Variants in NPC1L1 observed in about 807,000 individuals in gnomAD.
NPC1L1 encodes the protein NPC1-like intracellular cholesterol transporter 1.
A neutral mutation model predicts 117.0 loss-of-function variants in NPC1L1; 98 were observed. The ratio of observed to expected loss-of-function variants is 0.84; its 90% CI spans 0.71 to 0.99. The LOEUF (loss-of-function observed/expected upper bound fraction) is 0.99. Among genes scored for constraint, NPC1L1 ranks in the 50% least tolerant of loss-of-function variants. The pLI, the probability that NPC1L1 is intolerant of heterozygous loss-of-function variation, is 0.00. For missense variants in NPC1L1, 1,540 were observed against 1,710.0 expected, an observed-to-expected ratio of 0.90 and a Z score of 1.75; for synonymous variants, 729 against 727.6, an observed-to-expected ratio of 1.00 and a Z score of -0.03.
rs753268135 is a variant in NPC1L1, at chr7:44,536,623, T to C, written c.1682-195A>G. On this transcript the variant is annotated intron_variant, in intron 3 of 18. Transcript: ENST00000381160. The surrounding 1 kb of genome is among the most constrained non-coding windows in gnomAD (Gnocchi z 4.7). ...CTTCTCTCAGCCAAAGGCGAGACCT[T>C]TGGGCCCAGGCAGAAAAACCACAGT... 3.0e-4 allele frequency among the ~76,000 whole-genome samples: 45 copies of C among 151,998 alleles called. No individual in the cohort carries two copies. The highest frequency in any genetic ancestry group is 1.8e-4 in the Non-Finnish European group (12 of 67,972).
chr7:44,529,824 C>T (rs1468400648), intron 10 of NPC1L1, among the ~76,000 whole-genome samples: 1 of 151,018 alleles, frequency 6.6e-6, no homozygotes, highest in East Asian at 2.0e-4. Context: ...TCACAAGGTC[C>T]AGAGTTCGAG....
At chr7:44,520,091 C>A (rs1801306221) in intron 14 of NPC1L1, among the ~76,000 whole-genome samples, 1 of 152,150 alleles carries the variant, frequency 6.6e-6, no homozygotes, top group Non-Finnish European at 1.5e-5. Flanking sequence ...ACCAGCTTGG[C>A]CAACGTGGTG....
rs746143803 is a variant in NPC1L1 at position 44,539,737 on chromosome 7, G to A, written c.660C>T (p.Phe220=). ...GNGLAPLDIT[F]HLLEPGQAVG... is the part of the protein sequence containing the mutation. ...CGGCCTGGCCAGGCTCCAAGAGGTG[G>A]AAGGTGATGTCCAGTGGGGCCAGAC... is the stretch of plus-strand genomic sequence containing the variant. Residue 220 remains phenylalanine (F), a synonymous_variant, in exon 2 of 19, where the codon TTC becomes TTT. Transcript: ENST00000381160. The surrounding 1 kb of genome is among the most constrained non-coding windows in gnomAD (Gnocchi z 4.4). 6.2e-7 allele frequency: 1 copy of A among 1,614,178 alleles called. No individual in the cohort carries two copies. The highest frequency in any genetic ancestry group is 8.5e-7 in the Non-Finnish European group (1 of 1,180,052).
At position 44,536,968 on chromosome 7, in the gene NPC1L1, A is replaced by G. The variant is rs1259091265; in HGVS notation, c.1581-26T>C. On this transcript the variant is annotated intron_variant, in intron 2 of 18. Coordinates refer to ENST00000381160, the MANE Select transcript of NPC1L1 (RefSeq NM_001101648.2). The surrounding 1 kb of genome is among the most constrained non-coding windows in gnomAD (Gnocchi z 4.7). ...CTAGAGGGAGATGACCGCAAAGGGA[A>G]AGGGCCTTTCCTGGCCCTGCCCAGT... 1 of 1,601,742 alleles carries G rather than the reference A, an allele frequency of 6.2e-7. No homozygotes were observed. Among genetic ancestry groups the G allele is most frequent in the East Asian group, 2.2e-5 (1 of 44,730 alleles).
chr7:44,517,294 C>T lies in NPC1L1; in HGVS notation c.3200G>A (p.Arg1067Gln), dbSNP rs115395682. The change falls in exon 15 of 19, where the codon CGG becomes CAG. Residue 1067 changes from arginine (R) to glutamine (Q), a missense_variant. Physicochemically the swap from Arg to Gln is conservative, Grantham distance 43 (BLOSUM62 1). Transcript: ENST00000381160. ...KNSQDYTEALRAARELAANIT... is the reference protein window; with the variant it reads ...KNSQDYTEALQAARELAANIT... Reference sequence around the variant, plus strand: ...GTTGGCTGCCAGCTCTCGAGCTGCCCGCAGAGCTTCTGTGTAATCCTGTGA... The same window carrying T: ...GTTGGCTGCCAGCTCTCGAGCTGCCTGCAGAGCTTCTGTGTAATCCTGTGA... 1,937 of 1,614,118 alleles carry T rather than the reference C, an allele frequency of 1.2e-3. 22 individuals are homozygous for T. In the African/African-American group the frequency reaches 0.022, roughly 19 times the overall value.
chr7:44,534,902 C>A lies in NPC1L1; in HGVS notation c.1984-273G>T, dbSNP rs1276272679. Among the ~76,000 whole-genome samples the A allele has an allele frequency of 6.6e-6, 1 of 152,176 alleles. No individual in the cohort carries two copies. The highest frequency in any genetic ancestry group is 1.5e-5 in the Non-Finnish European group (1 of 68,038). On this transcript the variant is annotated intron_variant, in intron 5 of 18. Coordinates refer to ENST00000381160, the MANE Select transcript of NPC1L1 (RefSeq NM_001101648.2). This position sits in a 1 kb window ranked among gnomAD's most constrained non-coding sequence, Gnocchi z 5.2. ...CAAGAGATTTTAAGTCTTAGCTTTG[C>A]ATTTGGGCAAGTGAGGGTATGGCAT... is the stretch of plus-strand genomic sequence containing the variant.
chr7:44,535,788 A>G (rs1423128075), intron 5 of NPC1L1, 52 bp downstream of exon 5: 1 of 1,610,854 alleles, frequency 6.2e-7, no homozygotes, highest in Non-Finnish European at 8.5e-7. Flanking sequence ...CCTACTGAAG[A>G]TGCCTGGGGT....
In NPC1L1 at chr7:44,540,191, T is replaced by G; in HGVS notation, c.206A>C (p.Asp69Ala). 1 of 1,613,902 alleles carries G rather than the reference T, an allele frequency of 6.2e-7. No individual in the cohort carries two copies. ...SNTPARKITGDHLILLQKICP... is the reference protein window; with the variant it reads ...SNTPARKITGAHLILLQKICP... ...GATCTTCTGTAATAGGATCAGGTGA[T>G]CACCTGTGATCTTGCGGGCCGGCGT... Residue 69 changes from aspartate (D) to alanine (A), a missense_variant, in exon 2 of 19, where the codon GAT becomes GCT. Physicochemically the swap from Asp to Ala is moderately radical, Grantham distance 126 (BLOSUM62 -2). This residue lies in a region of NPC1L1 where 793 missense variants were observed against 820.4 expected (regional missense o/e 0.97). Transcript: ENST00000381160.
At chr7:44,535,530 A>AAAAG (rs1347533065) in intron 5 of NPC1L1, among the ~76,000 whole-genome samples, 1 of 152,150 alleles carries the variant, frequency 6.6e-6, no homozygotes, top group African/African-American at 2.4e-5. Context: ...ACCCTGTCTC[A>AAAAG]AAAGAAAGAA....
Position 44,534,500 on chromosome 7 carries a change from G to A in NPC1L1, c.2113C>T (p.Leu705=), listed in dbSNP as rs1160261018. Residue 705 remains leucine, a synonymous_variant, in exon 6 of 19, where the codon CTG becomes TTG. Coordinates refer to ENST00000381160, the MANE Select transcript of NPC1L1 (RefSeq NM_001101648.2). The surrounding 1 kb of genome is among the most constrained non-coding windows in gnomAD (Gnocchi z 5.2). ...TTATCAGCCCCCACGGACAGCACCA[G>A]GAAAGGAACCACTTGCAGGATGACC... The part of the protein sequence containing the change: ...SLVILQVVPF[L]VLSVGADNIF... 6.2e-7 allele frequency: 1 copy of A among 1,614,166 alleles called. No homozygotes were observed. Among genetic ancestry groups the A allele is most frequent in the East Asian group, 2.2e-5 (1 of 44,876 alleles).
rs1423019784 is a variant in NPC1L1 at position 44,536,087 on chromosome 7, T to TATA, written c.1855-122_1855-120dup. The TATA allele has an allele frequency of 1.1e-5, 17 of 1,560,456 alleles. No homozygotes were observed. Among genetic ancestry groups the TATA allele is most frequent in the Admixed American group, 5.1e-5 (3 of 59,120 alleles). On this transcript the variant is annotated intron_variant, in intron 4 of 18. Transcript: ENST00000381160. This position sits in a 1 kb window ranked among gnomAD's most constrained non-coding sequence, Gnocchi z 4.7. ...TGTGTCATAGGGCCTGATGGCCCCC[T>TATA]ATAATCGCAGGTGAGGCTATAAGAA...
Position 44,539,103 on chromosome 7 carries a change from A to C in NPC1L1, c.1294T>G (p.Phe432Val), listed in dbSNP as rs1258548160. ...AAGTCCAGGTCCAGGATTCCGCTGAAGTTCTTGGGCCCCAGCAGCAGAGAG... is the reference window on the plus strand; with the variant it reads ...AAGTCCAGGTCCAGGATTCCGCTGACGTTCTTGGGCCCCAGCAGCAGAGAG... Reference protein sequence around the residue: ...YDSLLLGPKNFSGILDLDLLL... With the variant: ...YDSLLLGPKNVSGILDLDLLL... The change falls in exon 2 of 19, where the codon TTC (phenylalanine) becomes GTC (valine). Residue 432 changes from phenylalanine (F) to valine (V), a missense_variant. Phe to Val is a conservative substitution (Grantham distance 50). Coordinates refer to ENST00000381160, the MANE Select transcript of NPC1L1 (RefSeq NM_001101648.2). This position sits in a 1 kb window ranked among gnomAD's most constrained non-coding sequence, Gnocchi z 4.4. The C allele has an allele frequency of 3.1e-6, 5 of 1,613,834 alleles. No individual in the cohort carries two copies. The highest frequency in any genetic ancestry group is 4.2e-6 in the Non-Finnish European group (5 of 1,179,964).
rs763938939 is a variant in NPC1L1, at chr7:44,522,066, T to G, written c.2814A>C (p.Thr938=). The change falls in exon 11 of 19, where the codon ACA becomes ACC. Residue 938 remains threonine (T), a synonymous_variant. Coordinates refer to ENST00000381160, the MANE Select transcript of NPC1L1 (RefSeq NM_001101648.2). ...CAGGAACTCACTGCTCAGGGAACTC[T>G]GTGGCATACTGGATCTTCTGGGTGA... ...FSFTQKIQYA[T]EFPEQSYLAI... The G allele has an allele frequency of 1.2e-6, 2 of 1,613,904 alleles. No individual in the cohort carries two copies. Among genetic ancestry groups the G allele is most frequent in the Middle Eastern group, 1.7e-4 (1 of 6,054 alleles).
intron 12 of NPC1L1, 125 bp downstream of exon 12, chr7:44,521,587 T>C (rs1801354063): frequency 6.8e-7 from 1 of 1,472,910 alleles, no homozygotes; most frequent in Non-Finnish European, 9.5e-7. Flanking sequence ...TCTGCACCCA[T>C]GCCCCCGACA....
rs1200429615 is a variant in NPC1L1, at chr7:44,532,219, T to C, written c.2410-2A>G. 4 of 1,613,314 alleles carry C rather than the reference T, an allele frequency of 2.5e-6. No homozygotes were observed. Among genetic ancestry groups the C allele is most frequent in the Middle Eastern group, 1.7e-4 (1 of 5,984 alleles). On this transcript the variant is annotated splice_acceptor_variant, in intron 8 of 18. Transcript: ENST00000381160. LOFTEE classifies it high-confidence loss of function. The stretch of plus-strand genomic sequence containing the variant: ...GCAGCAGACGTCCAACCGGGAGGCC[T>C]GGAGTGGGAGGCACCCCCTCAAGGT...
rs750258238 is a variant in NPC1L1 at position 44,535,986 on chromosome 7, A to G, written c.1855-18T>C. ...AGAGAGCGCTGTGGACACACACCCG[A>G]CCAGCCCCCACTGACCGTGCCTGCT... On this transcript the variant is annotated intron_variant, in intron 4 of 18. Coordinates refer to ENST00000381160, the MANE Select transcript of NPC1L1 (RefSeq NM_001101648.2). 3.7e-5 allele frequency: 60 copies of G among 1,612,460 alleles called. No individual in the cohort carries two copies. Among genetic ancestry groups the G allele is most frequent in the Non-Finnish European group, 4.7e-5 (56 of 1,179,968 alleles).
In NPC1L1 at chr7:44,516,840, A is replaced by C. The variant is rs757082934; in HGVS notation, c.3382T>G (p.Cys1128Gly). 1 of 1,614,218 alleles carries C rather than the reference A, an allele frequency of 6.2e-7. No individual in the cohort carries two copies. Among genetic ancestry groups the C allele is most frequent in the East Asian group, 2.2e-5 (1 of 44,886 alleles). The stretch of plus-strand genomic sequence containing the variant: ...CGCAGGTCCAGGCCCAGCAGGAGGC[A>C]GGAGACAGCGAAGGTGGGCACAAGG... The part of the protein sequence containing the change: ...LCLVPTFAVS[C>G]LLLGLDLRSG... The change falls in exon 16 of 19, where the codon TGC (cysteine) becomes GGC (glycine). Residue 1128 changes from cysteine to glycine, a missense_variant. By Grantham distance (159) the Cys-to-Gly change is radical. Coordinates refer to ENST00000381160, the MANE Select transcript of NPC1L1 (RefSeq NM_001101648.2).
rs1801078130 is a variant in NPC1L1 at position 44,512,875 on chromosome 7, C to A, written c.*572G>T. 5.5e-6 allele frequency: 1 copy of A among 180,330 alleles called. No homozygotes were observed. The highest frequency in any genetic ancestry group is 1.2e-5 in the Non-Finnish European group (1 of 83,618). 11.2% of individuals were successfully genotyped at this position (180,330 alleles called of 1,614,324 possible). ...CTTATGAGAGCATCCTTCCTGGGCC[C>A]TTCTCTTGCCAGAAAAGGCCGTGGA... On this transcript the variant is annotated 3_prime_UTR_variant, in exon 19 of 19. Coordinates refer to ENST00000381160, the MANE Select transcript of NPC1L1 (RefSeq NM_001101648.2).
rs368610326 is a variant in NPC1L1, at chr7:44,539,527, G to T, written c.870C>A (p.Ile290=). The part of the protein sequence containing the change: ...QMPGSLVLII[I]LCSVFAVVTI... Reference sequence around the variant, plus strand: ...TGACCACAGCGAAGACAGAGCAGAGGATGATGATGAGGACCAGACTGCCCG... The same window carrying T: ...TGACCACAGCGAAGACAGAGCAGAGTATGATGATGAGGACCAGACTGCCCG... The change falls in exon 2 of 19, where the codon ATC becomes ATA. Residue 290 remains isoleucine, a synonymous_variant. Coordinates refer to ENST00000381160, the MANE Select transcript of NPC1L1 (RefSeq NM_001101648.2). The surrounding 1 kb of genome is among the most constrained non-coding windows in gnomAD (Gnocchi z 4.4). The T allele has an allele frequency of 1.9e-6, 3 of 1,613,730 alleles. No homozygotes were observed. Among genetic ancestry groups the T allele is most frequent in the Non-Finnish European group, 2.5e-6 (3 of 1,179,784 alleles).
Sources: allele counts gnomAD v4.1 joint callset (sites outside exome capture counted in the v4.1 genomes callset), GRCh38; gene constraint gnomAD v4.1.1; regional missense constraint gnomAD v4.1.1; non-coding constraint Gnocchi (gnomAD v3.1); transcripts MANE v1.5; gene names NCBI Gene and HGNC (gene_info 2026-07-23, HGNC 2026-07-21).